Variants in SMIM7 observed in about 807,000 individuals in gnomAD.
SMIM7 encodes UPF0608 protein C19orf42.
SMIM7 carries 12 observed loss-of-function variants against 13.3 expected under a neutral mutation model. The ratio of observed to expected loss-of-function variants is 0.90; its 90% CI spans 0.58 to 1.46. SMIM7 has a LOEUF of 1.46. Among genes scored for constraint, SMIM7 ranks in the 40% most tolerant of loss-of-function variants. The pLI is 0.00. For synonymous variants in SMIM7, 36 were observed against 35.8 expected, an observed-to-expected ratio of 1.01 and a Z score of -0.02; for missense variants, 114 against 94.8, an observed-to-expected ratio of 1.20 and a Z score of -0.84.
intron 3 of SMIM7, chr19:16,659,020 C>G: frequency 3.4e-6 from 1 of 293,368 alleles, no homozygotes; most frequent in South Asian, 3.4e-5. Context: ...ACTTGTGGCT[C>G]ACGCCTGTAA....
At chr19:16,639,120 A>ATTTTT (rs1286703534) in intron 4 of SMIM7, among the ~76,000 whole-genome samples, 1 of 133,502 alleles carries the variant, frequency 7.5e-6, no homozygotes, top group Non-Finnish European at 1.6e-5. Context: ...GTAAGATGTC[A>ATTTTT]TTTTTTTTTT....
chr19:16,638,452 C>T (rs143954929), intron 4 of SMIM7, among the ~76,000 whole-genome samples: 1,539 of 151,450 alleles, frequency 0.01, 25 homozygotes, highest in Middle Eastern at 0.027. Context: ...TACAGGTGCC[C>T]GCCACCATGC....
At chr19:16,653,034 G>A in intron 4 of SMIM7, 1 of 1,506,448 alleles carries the variant, frequency 6.6e-7, no homozygotes, top group Non-Finnish European at 9.0e-7. Context: ...TCCAGCCCAG[G>A]TGGAGCAGGA....
chr19:16,659,511 C>A, intron 2 of SMIM7, 64 bp from the exon 3 acceptor site: 1 of 1,532,542 alleles, frequency 6.5e-7, no homozygotes, highest in Non-Finnish European at 8.9e-7. Flanking sequence ...CCCCTGACCC[C>A]CAGCTCAGAA....
At chr19:16,632,170 T>G (rs916509982) in intron 4 of SMIM7, among the ~76,000 whole-genome samples, 4 of 151,992 alleles carry the variant, frequency 2.6e-5, no homozygotes, top group African/African-American at 9.7e-5. Flanking sequence ...ACCCGGCCGC[T>G]GGCAGAAATT....
rs2086460146 is a variant in SMIM7 at position 16,647,219 on chromosome 19, G to A, written c.*27C>T. ...AATGGAGACTCGGCATCCCGGGAAA[G>A]TGAGTTCCTGGTTTCATCGCTGGGA... On this transcript the variant is annotated 3_prime_UTR_variant, in exon 5 of 5. Transcript: ENST00000487416. The A allele has an allele frequency of 6.2e-7, 1 of 1,613,846 alleles. No homozygotes were observed. The highest frequency in any genetic ancestry group is 1.7e-5 in the Admixed American group (1 of 59,978).
chr19:16,632,196 C>G (rs1374328208), intron 4 of SMIM7, among the ~76,000 whole-genome samples: 1 of 151,926 alleles, frequency 6.6e-6, no homozygotes, highest in Non-Finnish European at 1.5e-5. Context: ...AACCCTTTCT[C>G]ATATATGAAC....
rs1331501002 is a variant in SMIM7, at chr19:16,646,600, G to C, written c.*646C>G. The C allele has an allele frequency of 1.9e-5, 3 of 155,204 alleles. No homozygotes were observed. Among genetic ancestry groups the C allele is most frequent in the Non-Finnish European group, 4.4e-5 (3 of 68,636 alleles). 9.6% of individuals were successfully genotyped at this position (155,204 alleles called of 1,614,324 possible). ...CAAAGTCATTTTATTTAACAAAGGG[G>C]TCAAGGCAGAGGAAAGTTTCCCTTA... On this transcript the variant is annotated 3_prime_UTR_variant, in exon 5 of 5. Transcript: ENST00000487416.
At chr19:16,655,223 T>C (rs995836881) in intron 3 of SMIM7, 12 of 415,272 alleles carry the variant, frequency 2.9e-5, no homozygotes, top group African/African-American at 2.3e-4. Context: ...AAGGTGTTTC[T>C]TGGTGATGAC....
At chr19:16,641,067 G>A (rs932598013), downstream of SMIM7, 1 of 152,198 alleles carries the variant, frequency 6.6e-6, no homozygotes, top group East Asian at 1.9e-4. Context: ...GGGTACAGAT[G>A]ATTCCCTGAG....
intron 2 of SMIM7, 166 bp downstream of exon 2, chr19:16,659,793 G>A (rs2086649181): frequency 5.8e-6 from 5 of 865,826 alleles, no homozygotes; most frequent in South Asian, 1.6e-5. Flanking sequence ...CTCTCGGGGG[G>A]TGGGGGGCGA....
chr19:16,631,268 C>T (rs1347966892), exon 5 of SMIM7: 1 of 152,138 alleles, frequency 6.6e-6, no homozygotes, highest in Admixed American at 6.6e-5. Context: ...CACCTGTATT[C>T]CCAGCTACTT....
intron 4 of SMIM7, chr19:16,636,553 T>C (rs2086362749): frequency 6.6e-6 from 1 of 152,236 alleles, no homozygotes; most frequent in African/African-American, 2.4e-5. Flanking sequence ...GTATTTTTAG[T>C]AGAGACAAGG....
chr19:16,655,071 T>A (rs1363560052), intron 3 of SMIM7, among the ~76,000 whole-genome samples: 1 of 152,130 alleles, frequency 6.6e-6, no homozygotes, highest in Non-Finnish European at 1.5e-5. Context: ...ACCCCAACCC[T>A]AATCTTGAAG....
intron 3 of SMIM7, 113 bp downstream of exon 3, chr19:16,659,282 C>CAA (rs752864646): frequency 0.013 from 6,903 of 546,170 alleles, 14 homozygotes; most frequent in African/African-American, 0.018. Flanking sequence ...GACCTTGTGT[C>CAA]AAAAAAAAAA....
chr19:16,657,076 CTT>C lies in SMIM7; in HGVS notation c.121+2317_121+2318del, dbSNP rs371305412. On this transcript the variant is annotated intron_variant, in intron 3 of 4. Transcript: ENST00000487416. ...CCTGCACTATCTATGTGCATTCCCTCTTGTGTCAATAGGGGTGTCAGGCAGCT... is the reference window on the plus strand; with the variant it reads ...CCTGCACTATCTATGTGCATTCCCTCGTGTCAATAGGGGTGTCAGGCAGCT... Among the ~76,000 whole-genome samples, 136 of 152,260 alleles carry C rather than the reference CTT, an allele frequency of 8.9e-4. 1 individual carries two copies. In the East Asian group the frequency reaches 0.018, roughly 20 times the overall value.
chr19:16,650,321 A>C (rs779207073), intron 4 of SMIM7, among the ~76,000 whole-genome samples: 1 of 152,218 alleles, frequency 6.6e-6, no homozygotes, highest in Non-Finnish European at 1.5e-5. Context: ...TATAGATGAC[A>C]GTGCTACTGA....
intron 3 of SMIM7, among the ~76,000 whole-genome samples, chr19:16,658,593 G>T (rs989185118): frequency 6.6e-6 from 1 of 152,122 alleles, no homozygotes; most frequent in African/African-American, 2.4e-5. Context: ...GTTGCAGAAT[G>T]TTCCAATTTT....
At chr19:16,656,133 C>T (rs2086594899) in intron 3 of SMIM7, among the ~76,000 whole-genome samples, 1 of 152,174 alleles carries the variant, frequency 6.6e-6, no homozygotes, top group African/African-American at 2.4e-5. Context: ...CAACTGTAAT[C>T]CCAGCACTTT....
Sources: allele counts gnomAD v4.1 joint callset (sites outside exome capture counted in the v4.1 genomes callset), GRCh38; gene constraint gnomAD v4.1.1; transcripts MANE v1.5; gene names NCBI Gene and HGNC (gene_info 2026-07-23, HGNC 2026-07-21).